TMEM38B: variants seen among roughly 807,000 people sequenced by gnomAD.
The protein encoded by TMEM38B is trimeric intracellular cation channel type B.
TMEM38B carries 24 observed loss-of-function variants against 28.7 expected under a neutral mutation model. The observed-to-expected ratio is 0.84, with a 90% CI of 0.61 to 1.18. The LOEUF (loss-of-function observed/expected upper bound fraction) is 1.18. Among genes scored for constraint, TMEM38B ranks in the 50% most tolerant of loss-of-function variants. The pLI is 0.00. For synonymous variants in TMEM38B, 131 were observed against 127.7 expected (o/e 1.03, Z -0.17); for missense variants, 380 against 350.9 (o/e 1.08, Z -0.66).
rs771378424 is a variant in TMEM38B at position 105,774,033 on chromosome 9, G to T, written c.829G>T (p.Val277Phe). The stretch of plus-strand genomic sequence containing the variant: ...GTCATTGGCCTCAAAGCCGGTAGAT[G>T]TTGCCTCAGATAATGTTAAAAAGAA... ...VGSLASKPVD[V>F]ASDNVKKKHT... is the part of the protein sequence containing the mutation. The change falls in exon 6 of 6, where the codon GTT becomes TTT. Residue 277 changes from valine to phenylalanine, a missense_variant. Transcript: ENST00000374692. 2.5e-6 allele frequency: 4 copies of T among 1,613,546 alleles called. No individual in the cohort carries two copies. The highest frequency in any genetic ancestry group is 3.4e-6 in the Non-Finnish European group (4 of 1,179,758).
chr9:105,733,883 A>G (rs1452991631), intron 4 of TMEM38B, among the ~76,000 whole-genome samples: 2 of 151,366 alleles, frequency 1.3e-5, no homozygotes. Context: ...AGCATTTGTC[A>G]ATTTCGTTTA....
chr9:105,737,633 C>T (rs944705259), intron 4 of TMEM38B, among the ~76,000 whole-genome samples: 3 of 152,162 alleles, frequency 2.0e-5, no homozygotes, highest in Non-Finnish European at 2.9e-5. Flanking sequence ...GTGTTGCATC[C>T]GTTCCACCTG....
At chr9:105,764,678 A>G (rs933979559) in intron 5 of TMEM38B, among the ~76,000 whole-genome samples, 10 of 151,506 alleles carry the variant, frequency 6.6e-5, no homozygotes, top group African/African-American at 9.7e-5. Flanking sequence ...TACAGATTCA[A>G]TGCCATCCCC....
At chr9:105,707,284 A>T (rs1222629731) in intron 2 of TMEM38B, among the ~76,000 whole-genome samples, 1 of 152,162 alleles carries the variant, frequency 6.6e-6, no homozygotes, top group Non-Finnish European at 1.5e-5. Flanking sequence ...ATTTTATGAG[A>T]TCTTTAAATT....
intron 5 of TMEM38B, among the ~76,000 whole-genome samples, chr9:105,765,626 C>T (rs1276107280): frequency 1.3e-5 from 2 of 152,176 alleles, no homozygotes; most frequent in East Asian, 1.9e-4. Context: ...GAGATTTATC[C>T]ATGTAATTAC....
At chr9:105,714,661 C>T (rs183104596) in intron 2 of TMEM38B, among the ~76,000 whole-genome samples, 6 of 152,224 alleles carry the variant, frequency 3.9e-5, no homozygotes, top group African/African-American at 1.2e-4. Context: ...ATTTTCATAT[C>T]GAAGCTCAAA....
intron 5 of TMEM38B, among the ~76,000 whole-genome samples, chr9:105,757,647 G>A (rs915660988): frequency 2.0e-5 from 3 of 152,276 alleles, no homozygotes; most frequent in Admixed American, 2.0e-4. Flanking sequence ...TCAGTAAAAG[G>A]AGTAATTGTG....
intron 1 of TMEM38B, among the ~76,000 whole-genome samples, chr9:105,698,020 A>C (rs1835344806): frequency 6.6e-6 from 1 of 152,100 alleles, no homozygotes; most frequent in African/African-American, 2.4e-5. Flanking sequence ...CTCTATGCTC[A>C]TTGAACTGGT....
In TMEM38B at chr9:105,748,130, T is replaced by G; in HGVS notation, c.600T>G (p.His200Gln). The G allele has an allele frequency of 6.2e-7, 1 of 1,613,694 alleles. No individual in the cohort carries two copies. The highest frequency in any genetic ancestry group is 8.5e-7 in the Non-Finnish European group (1 of 1,179,714). ...TCTTCACATTCCAGCACACCCAGCATCTGGCAATATCAAAGCATAATCTTA... is the reference window on the plus strand; with the variant it reads ...TCTTCACATTCCAGCACACCCAGCAGCTGGCAATATCAAAGCATAATCTTA... The part of the protein sequence containing the change: ...SVIFTFQHTQ[H>Q]LAISKHNLMF... The change falls in exon 5 of 6, where the codon CAT becomes CAG. Residue 200 changes from histidine (H) to glutamine (Q), a missense_variant. His to Gln is a conservative substitution (Grantham distance 24, BLOSUM62 0). Transcript: ENST00000374692.
At position 105,721,595 on chromosome 9, in the gene TMEM38B, G is replaced by A; in HGVS notation, c.328G>A (p.Val110Ile). Residue 110 changes from valine to isoleucine, a missense_variant, in exon 3 of 6, where the codon GTT becomes ATT. Val to Ile is a conservative substitution (Grantham distance 29). Transcript: ENST00000374692. ...TTCCCAGGGCTATTCATATCTACCT[G>A]TTCAACTACTGGCTTCGGGAATGAA... ...LVSQGYSYLPVQLLASGMKEV... is the reference protein window; with the variant it reads ...LVSQGYSYLPIQLLASGMKEV... The A allele has an allele frequency of 6.2e-7, 1 of 1,613,472 alleles. No homozygotes were observed. The highest frequency in any genetic ancestry group is 8.5e-7 in the Non-Finnish European group (1 of 1,179,632).
intron 2 of TMEM38B, 114 bp downstream of exon 2, chr9:105,705,867 C>T: frequency 1.8e-6 from 2 of 1,107,602 alleles, no homozygotes; most frequent in Non-Finnish European, 2.5e-6. Context: ...AAAGTTAATG[C>T]ATCTGCAAGG....
chr9:105,769,244 G>C (rs1440395975), intron 5 of TMEM38B, among the ~76,000 whole-genome samples: 1 of 152,208 alleles, frequency 6.6e-6, no homozygotes, highest in Admixed American at 6.5e-5. Context: ...ACTCATACTT[G>C]AGAAACATTA....
In TMEM38B at chr9:105,736,322, C is replaced by G. The variant is rs550129172; in HGVS notation, c.543-11751C>G. ...CATTCTTTTTCCTTTTTCCTCCTGA[C>G]TGGTTAATTTCAAACACTTGTTTTT... On this transcript the variant is annotated intron_variant, in intron 4 of 5. Coordinates refer to ENST00000374692, the MANE Select transcript of TMEM38B (RefSeq NM_018112.3). Among the ~76,000 whole-genome samples, 3 of 152,126 alleles carry G rather than the reference C, an allele frequency of 2.0e-5. No homozygotes were observed. The East Asian group carries it at 5.8e-4, about 29-fold the overall frequency.
rs1223080119 is a variant in TMEM38B, at chr9:105,694,644, C to T, written c.-17C>T. 1 of 1,607,632 alleles carries T rather than the reference C, an allele frequency of 6.2e-7. No homozygotes were observed. Among genetic ancestry groups the T allele is most frequent in the South Asian group, 1.1e-5 (1 of 90,934 alleles). On this transcript the variant is annotated 5_prime_UTR_variant, in exon 1 of 6. Coordinates refer to ENST00000374692, the MANE Select transcript of TMEM38B (RefSeq NM_018112.3). ...CAGTAGCCGCGGCTGCTTCGGTTGCCGCGGTCGGTGGTCGTTATGGATTCT... is the reference window on the plus strand; with the variant it reads ...CAGTAGCCGCGGCTGCTTCGGTTGCTGCGGTCGGTGGTCGTTATGGATTCT...
intron 5 of TMEM38B, chr9:105,759,827 C>T: frequency 1.2e-6 from 2 of 1,603,290 alleles, no homozygotes; most frequent in Middle Eastern, 1.7e-4. Context: ...AAATGCAAGT[C>T]AAAACAGCTT....
chr9:105,715,991 C>G (rs148446186), intron 2 of TMEM38B, among the ~76,000 whole-genome samples: 1 of 152,100 alleles, frequency 6.6e-6, no homozygotes, highest in South Asian at 2.1e-4. Context: ...CATAAACTTG[C>G]AGAATGTGGT....
intron 5 of TMEM38B, among the ~76,000 whole-genome samples, chr9:105,763,562 C>T (rs1838146831): frequency 6.6e-6 from 1 of 152,106 alleles, no homozygotes. Flanking sequence ...TAGACAATAA[C>T]AGGAGCTGAA....
intron 2 of TMEM38B, chr9:105,710,598 C>G (rs1388204699): frequency 8.6e-6 from 7 of 811,076 alleles, no homozygotes; most frequent in Non-Finnish European, 1.5e-5. Context: ...GCATCAGGAA[C>G]ACCCTCAAAT....
chr9:105,739,814 C>T (rs951365211), intron 4 of TMEM38B, among the ~76,000 whole-genome samples: 17 of 152,024 alleles, frequency 1.1e-4, no homozygotes, highest in African/African-American at 4.1e-4. Context: ...CATGAGCCAC[C>T]ATGCCTGGCC....
Sources: allele counts gnomAD v4.1 joint callset (sites outside exome capture counted in the v4.1 genomes callset), GRCh38; gene constraint gnomAD v4.1.1; transcripts MANE v1.5; gene names NCBI Gene and HGNC (gene_info 2026-07-23, HGNC 2026-07-21).